The following NKAIN2 variants were observed in gnomAD, a reference collection of about 807,000 sequenced individuals.
NKAIN2 encodes sodium/potassium transporting ATPase interacting 2, also known as sodium/potassium-transporting ATPase subunit beta-1-interacting protein 2.
In NKAIN2, 14 loss-of-function variants were observed where a neutral mutation model predicts 32.6. That is an observed-to-expected ratio of 0.43 (90% confidence interval 0.28 to 0.67). The LOEUF (loss-of-function observed/expected upper bound fraction) is 0.67. Ranked by LOEUF, NKAIN2 falls within the 30% of genes least tolerant of loss-of-function variation. The pLI, the probability that NKAIN2 is intolerant of heterozygous loss-of-function variation, is 0.17. For missense variants in NKAIN2, 198 were observed against 258.3 expected (o/e 0.77, Z 1.60); for synonymous variants, 80 against 87.2 (o/e 0.92, Z 0.46).
chr6:124,195,758 A>G (rs1209736568), intron 1 of NKAIN2, among the ~76,000 whole-genome samples: 1 of 152,082 alleles, frequency 6.6e-6, no homozygotes, highest in Non-Finnish European at 1.5e-5. Context: ...TTTATAAGTT[A>G]ATTGCTCCTT....
chr6:124,820,664 G>A (rs1781357426), intron 6 of NKAIN2, among the ~76,000 whole-genome samples: 1 of 152,172 alleles, frequency 6.6e-6, no homozygotes, highest in South Asian at 2.1e-4. Flanking sequence ...CCCATGGTCT[G>A]TTAGGAGCTG....
At chr6:124,352,059 T>C (rs1319714137) in intron 2 of NKAIN2, among the ~76,000 whole-genome samples, 1 of 152,214 alleles carries the variant, frequency 6.6e-6, no homozygotes, top group Non-Finnish European at 1.5e-5. Flanking sequence ...CCATGGAGTT[T>C]GCTACTACTA....
At chr6:124,233,541 C>A (rs999420403) in intron 1 of NKAIN2, among the ~76,000 whole-genome samples, 1 of 152,176 alleles carries the variant, frequency 6.6e-6, no homozygotes, top group African/African-American at 2.4e-5. Context: ...ATGCTTGGTC[C>A]TTTTCCTTGT....
At chr6:124,223,451 G>T (rs1187069052) in intron 1 of NKAIN2, among the ~76,000 whole-genome samples, 1 of 151,958 alleles carries the variant, frequency 6.6e-6, no homozygotes, top group Non-Finnish European at 1.5e-5. Flanking sequence ...GGGTACCTAG[G>T]GTTTCTACCA....
At chr6:123,885,054 A>T (rs1773649072) in intron 1 of NKAIN2, among the ~76,000 whole-genome samples, 1 of 152,164 alleles carries the variant, frequency 6.6e-6, no homozygotes, top group Non-Finnish European at 1.5e-5. Context: ...AGACAGAAAG[A>T]AGTAATAATA....
At chr6:124,173,521 G>T (rs1318091593) in intron 1 of NKAIN2, among the ~76,000 whole-genome samples, 1 of 152,056 alleles carries the variant, frequency 6.6e-6, no homozygotes, top group East Asian at 1.9e-4. Context: ...AAAATGCAAA[G>T]CTGATTCTTT....
chr6:124,039,286 G>A (rs976077889), intron 1 of NKAIN2, among the ~76,000 whole-genome samples: 4 of 151,806 alleles, frequency 2.6e-5, no homozygotes, highest in Non-Finnish European at 5.9e-5. Flanking sequence ...TATATGATAG[G>A]GCATGTAGCC....
chr6:124,091,785 T>C (rs1008866294), intron 1 of NKAIN2, among the ~76,000 whole-genome samples: 2 of 151,994 alleles, frequency 1.3e-5, no homozygotes, highest in Admixed American at 6.6e-5. Context: ...TCGGTAGTCC[T>C]CTTTATCATG....
chr6:124,541,464 A>G, intron 3 of NKAIN2, among the ~76,000 whole-genome samples: 1 of 152,316 alleles, frequency 6.6e-6, no homozygotes, highest in East Asian at 1.9e-4. Flanking sequence ...TTAAGTACTC[A>G]GTTAATATAA....
chr6:124,808,530 C>A (rs929704804), intron 5 of NKAIN2, among the ~76,000 whole-genome samples: 1 of 152,162 alleles, frequency 6.6e-6, no homozygotes, highest in African/African-American at 2.4e-5. Flanking sequence ...CAATATCATA[C>A]TGAATGGGCA....
At chr6:124,641,568 T>TTTTTTTC (rs1253244003) in intron 3 of NKAIN2, among the ~76,000 whole-genome samples, 2 of 133,240 alleles carry the variant, frequency 1.5e-5, no homozygotes, top group Non-Finnish European at 3.1e-5. Context: ...TTTTTTTTTT[T>TTTTTTTC]TGAGACAGTG....
chr6:124,197,960 T>A (rs930835164), intron 1 of NKAIN2, among the ~76,000 whole-genome samples: 1 of 151,260 alleles, frequency 6.6e-6, no homozygotes, highest in Non-Finnish European at 1.5e-5. Context: ...GATATTTACA[T>A]CTGAGAAGGG....
At chr6:123,869,115 A>G (rs73551329) in intron 1 of NKAIN2, among the ~76,000 whole-genome samples, 2,282 of 152,326 alleles carry the variant, frequency 0.015, 61 homozygotes, top group African/African-American at 0.052. Context: ...TGAGAAAGAC[A>G]TAGGCTTTTA....
intron 2 of NKAIN2, among the ~76,000 whole-genome samples, chr6:124,286,696 G>A (rs187414620): frequency 0.022 from 3,334 of 151,386 alleles, 62 homozygotes; most frequent in East Asian, 0.087. Flanking sequence ...GTGTGTGTGT[G>A]TGTGAGATAA....
chr6:124,575,679 C>T (rs11154245), intron 3 of NKAIN2, among the ~76,000 whole-genome samples: 67,599 of 152,040 alleles, frequency 0.44, 18,043 homozygotes, highest in Non-Finnish European at 0.57. Flanking sequence ...CCAGTGAAAA[C>T]TGACTTCTAA....
chr6:123,999,108 C>T (rs1187888673), intron 1 of NKAIN2, among the ~76,000 whole-genome samples: 1 of 151,962 alleles, frequency 6.6e-6, no homozygotes, highest in Non-Finnish European at 1.5e-5. Context: ...TAAACGACCC[C>T]AGGGAACTTA....
At chr6:124,345,008 T>A (rs1336652509) in intron 2 of NKAIN2, among the ~76,000 whole-genome samples, 1 of 152,194 alleles carries the variant, frequency 6.6e-6, no homozygotes, top group East Asian at 1.9e-4. Flanking sequence ...ATACGTCCCA[T>A]CAATACCTAA....
chr6:124,163,248 AAAAC>A (rs1295308729), intron 1 of NKAIN2, among the ~76,000 whole-genome samples: 1 of 152,038 alleles, frequency 6.6e-6, no homozygotes, highest in African/African-American at 2.4e-5. Flanking sequence ...CTGTAGTTAA[AAAAC>A]AAACTAAAAG....
intron 3 of NKAIN2, among the ~76,000 whole-genome samples, chr6:124,555,581 C>T (rs576003071): frequency 2.6e-5 from 4 of 152,274 alleles, no homozygotes; most frequent in African/African-American, 9.6e-5. Context: ...TTGTGACTCA[C>T]GAATCCTGTT....
Sources: allele counts gnomAD v4.1 joint callset (sites outside exome capture counted in the v4.1 genomes callset), GRCh38; gene constraint gnomAD v4.1.1; transcripts MANE v1.5; gene names NCBI Gene and HGNC (gene_info 2026-07-23, HGNC 2026-07-21).